PIGK: variants seen among roughly 807,000 people sequenced by gnomAD.
PIGK encodes the protein GPI-anchor transamidase.
PIGK carries 42 observed loss-of-function variants against 50.6 expected under a neutral mutation model. The ratio of observed to expected loss-of-function variants is 0.83; its 90% confidence interval spans 0.65 to 1.07. The LOEUF is 1.07. PIGK is among the 50% of genes least tolerant of loss of function. The pLI is 0.00. For synonymous variants in PIGK, 151 were observed against 156.0 expected (o/e 0.97, Z 0.24); for missense variants, 448 against 488.7 (o/e 0.92, Z 0.78).
At chr1:77,152,192 A>G (rs1315537089) in intron 9 of PIGK, among the ~76,000 whole-genome samples, 1 of 152,138 alleles carries the variant, frequency 6.6e-6, no homozygotes, top group Non-Finnish European at 1.5e-5. Context: ...CTCAGAAATA[A>G]ATCCAAGCAC....
At chr1:77,162,175 T>C (rs975842446) in intron 6 of PIGK, among the ~76,000 whole-genome samples, 2 of 152,142 alleles carry the variant, frequency 1.3e-5, no homozygotes, top group African/African-American at 4.8e-5. Context: ...ACAATGTGCC[T>C]GATATTATGC....
chr1:77,096,881 C>CTTTTTTTTTTTTTTTTTT (rs141858558), intron 10 of PIGK, among the ~76,000 whole-genome samples: 47 of 124,190 alleles, frequency 3.8e-4, no homozygotes, highest in Non-Finnish European at 5.2e-4. Flanking sequence ...TCGGGTTTTT[C>CTTTTTTTTTTTTTTTTTT]TTTTTTTTTT....
chr1:77,195,469 A>G, intron 3 of PIGK: 1 of 846,840 alleles, frequency 1.2e-6, no homozygotes, highest in Non-Finnish European at 1.8e-6. Flanking sequence ...TTGACTCAGA[A>G]AAAAAGAAAA....
chr1:77,201,555 T>C (rs1344561545), intron 3 of PIGK, among the ~76,000 whole-genome samples: 2 of 151,410 alleles, frequency 1.3e-5, no homozygotes, highest in East Asian at 1.9e-4. Flanking sequence ...AGGCCAGGAG[T>C]GTGAGACCAG....
intron 10 of PIGK, among the ~76,000 whole-genome samples, chr1:77,121,025 C>T (rs1206612227): frequency 6.6e-6 from 1 of 152,182 alleles, no homozygotes; most frequent in African/African-American, 2.4e-5. Flanking sequence ...ATCTGGTCAA[C>T]CATCTTAAAG....
intron 9 of PIGK, among the ~76,000 whole-genome samples, chr1:77,139,238 AAG>A (rs1043067434): frequency 3.3e-5 from 5 of 151,894 alleles, no homozygotes; most frequent in African/African-American, 1.2e-4. Context: ...GTTTTTTCCC[AAG>A]AGATTTCCCT....
chr1:77,174,516 C>T (rs1048337028), intron 3 of PIGK, among the ~76,000 whole-genome samples: 1 of 152,154 alleles, frequency 6.6e-6, no homozygotes, highest in Non-Finnish European at 1.5e-5. Flanking sequence ...CTTTGCATCA[C>T]AAGACAGCTT....
intron 4 of PIGK, among the ~76,000 whole-genome samples, chr1:77,167,724 G>A (rs1210890214): frequency 6.6e-6 from 1 of 152,222 alleles, no homozygotes; most frequent in Non-Finnish European, 1.5e-5. Context: ...CTACCTGGGT[G>A]ACAGAGCAAG....
chr1:77,142,884 C>T (rs911410075), intron 9 of PIGK, among the ~76,000 whole-genome samples: 2 of 152,118 alleles, frequency 1.3e-5, no homozygotes, highest in African/African-American at 2.4e-5. Context: ...AATTTGAATG[C>T]AAGTCCATTC....
intron 4 of PIGK, among the ~76,000 whole-genome samples, chr1:77,168,518 G>A (rs971820977): frequency 7.2e-5 from 11 of 151,784 alleles, no homozygotes; most frequent in African/African-American, 2.4e-4. Context: ...TTAATTCAAT[G>A]AGCCAACATT....
intron 10 of PIGK, among the ~76,000 whole-genome samples, chr1:77,118,692 G>A (rs1654031632): frequency 6.6e-6 from 1 of 152,134 alleles, no homozygotes; most frequent in East Asian, 1.9e-4. Context: ...CCCTCCAGTA[G>A]TTAATCAACT....
chr1:77,184,774 G>A (rs1466522933), intron 3 of PIGK, among the ~76,000 whole-genome samples: 5 of 152,132 alleles, frequency 3.3e-5, no homozygotes, highest in Admixed American at 6.5e-5. Context: ...CCCCATATTG[G>A]CTCCTTGACT....
intron 10 of PIGK, among the ~76,000 whole-genome samples, chr1:77,109,758 C>T (rs868796213): frequency 2.0e-5 from 3 of 152,052 alleles, no homozygotes; most frequent in Non-Finnish European, 4.4e-5. Context: ...AAGTTCTGGC[C>T]AGGGCAATTA....
chr1:77,102,181 G>A (rs781760789), intron 10 of PIGK, among the ~76,000 whole-genome samples: 15 of 152,156 alleles, frequency 9.9e-5, no homozygotes, highest in Non-Finnish European at 1.5e-4. Context: ...TTCATTGTGC[G>A]ATTAATGAAA....
At chr1:77,130,105 TA>T (rs1475627181) in intron 9 of PIGK, among the ~76,000 whole-genome samples, 11 of 151,504 alleles carry the variant, frequency 7.3e-5, no homozygotes, top group Admixed American at 2.6e-4. Flanking sequence ...GTTATTTCGA[TA>T]ATCTAGACAG....
chr1:77,158,693 G>A (rs1655067097), intron 8 of PIGK, among the ~76,000 whole-genome samples: 1 of 152,170 alleles, frequency 6.6e-6, no homozygotes, highest in Non-Finnish European at 1.5e-5. Flanking sequence ...GAGATCTGTG[G>A]AACTTCGAAA....
intron 10 of PIGK, among the ~76,000 whole-genome samples, chr1:77,121,940 A>T (rs1471887934): frequency 6.6e-6 from 1 of 152,212 alleles, no homozygotes; most frequent in Non-Finnish European, 1.5e-5. Context: ...ATATTTTTGC[A>T]GCTCTTTTTC....
At chr1:77,099,179 T>C (rs1653488067) in intron 10 of PIGK, among the ~76,000 whole-genome samples, 1 of 152,170 alleles carries the variant, frequency 6.6e-6, no homozygotes, top group Admixed American at 6.5e-5. Flanking sequence ...CAAATAATTT[T>C]AATGATTTGG....
chr1:77,130,262 A>C (rs1654339739), intron 9 of PIGK, among the ~76,000 whole-genome samples: 1 of 76,740 alleles, frequency 1.3e-5, no homozygotes, highest in African/African-American at 5.1e-5. Flanking sequence ...ATTAGCTGTG[A>C]TTTGGGTAGT....
Sources: gnomAD v4.1 joint callset for allele counts (sites outside exome capture counted in the v4.1 genomes callset) on GRCh38, gnomAD v4.1.1 for gene constraint, MANE v1.5 for transcripts, NCBI Gene and HGNC (gene_info 2026-07-23, HGNC 2026-07-21) for gene names.